Variants in CTNNA2 observed in about 807,000 individuals in gnomAD.
The protein encoded by CTNNA2 is catenin alpha-2.
CTNNA2 carries 42 observed loss-of-function variants against 101.0 expected under a neutral mutation model. That is an observed-to-expected ratio of 0.42 (90% CI 0.32 to 0.54). The LOEUF (loss-of-function observed/expected upper bound fraction) is 0.54, where lower values mean the gene tolerates loss of function less well. Ranked by LOEUF, CTNNA2 falls within the 20% of genes least tolerant of loss-of-function variation. The pLI, the probability that CTNNA2 is intolerant of heterozygous loss-of-function variation, is 0.14. For synonymous variants in CTNNA2, 450 were observed against 456.4 expected (o/e 0.99, Z 0.18); for missense variants, 871 against 1,223.1 (o/e 0.71, Z 4.29).
intron 1 of CTNNA2, among the ~76,000 whole-genome samples, chr2:79,587,209 G>T (rs956723998): frequency 6.6e-6 from 1 of 151,982 alleles, no homozygotes; most frequent in Non-Finnish European, 1.5e-5. Flanking sequence ...TGGATGGAAC[G>T]GTAGTTCTAC....
intron 1 of CTNNA2, among the ~76,000 whole-genome samples, chr2:79,595,723 A>G (rs1313739174): frequency 2.6e-5 from 4 of 152,076 alleles, no homozygotes; most frequent in Non-Finnish European, 5.9e-5. Flanking sequence ...ATGAGCTATT[A>G]CAAGAATCTC....
intron 9 of CTNNA2, among the ~76,000 whole-genome samples, chr2:80,482,935 A>G (rs202244651): frequency 4.6e-5 from 7 of 152,266 alleles, no homozygotes; most frequent in African/African-American, 1.7e-4. Context: ...TCCTTCATTT[A>G]CACTACCTGT....
At chr2:79,862,054 C>G (rs971109598) in intron 4 of CTNNA2, among the ~76,000 whole-genome samples, 1 of 152,106 alleles carries the variant, frequency 6.6e-6, no homozygotes, top group Non-Finnish European at 1.5e-5. Flanking sequence ...TCCCTAGGCT[C>G]TGAACTAGTG....
At chr2:79,656,170 T>C (rs1681603209) in intron 2 of CTNNA2, among the ~76,000 whole-genome samples, 1 of 152,192 alleles carries the variant, frequency 6.6e-6, no homozygotes, top group Admixed American at 6.5e-5. Context: ...ATGACTGTGT[T>C]ATCAATACTA....
At chr2:79,363,409 G>A (rs1476174206) in intron 3 of CTNNA2, among the ~76,000 whole-genome samples, 1 of 152,080 alleles carries the variant, frequency 6.6e-6, no homozygotes, top group Non-Finnish European at 1.5e-5. Flanking sequence ...TTTTTAAAAG[G>A]ACACATACAC....
chr2:79,961,152 T>C (rs1689599888), intron 7 of CTNNA2, among the ~76,000 whole-genome samples: 1 of 152,222 alleles, frequency 6.6e-6, no homozygotes, highest in Admixed American at 6.5e-5. Context: ...TTTAAGATAG[T>C]GAGCTTTTCT....
Position 79,477,646 on chromosome 2 carries a change from G to T in CTNNA2, c.-134-27408G>T, listed in dbSNP as rs149665210. Among the ~76,000 whole-genome samples the T allele has an allele frequency of 2.4e-3, 361 of 152,274 alleles. 2 individuals are homozygous for T. The highest frequency in any genetic ancestry group is 8.2e-3 in the African/African-American group (339 of 41,544). ...TCACAGCTCAATGGTGCCTTTGGTG[G>T]CCCAGAAGTCAAGAATCTGTCAACT... is the stretch of plus-strand genomic sequence containing the variant. On this transcript the variant is annotated intron_variant, in intron 4 of 21. Coordinates refer to the CTNNA2 transcript ENST00000466387.
chr2:79,646,524 C>CTTTTTTTTTTTTTT (rs67454188), intron 1 of CTNNA2, among the ~76,000 whole-genome samples: 13 of 106,132 alleles, frequency 1.2e-4, no homozygotes, highest in Non-Finnish European at 1.5e-4. Context: ...TTCTTTCTGT[C>CTTTTTTTTTTTTTT]TTTTTTTTTT....
chr2:79,883,901 T>A (rs1370589533), intron 6 of CTNNA2, among the ~76,000 whole-genome samples: 1 of 152,144 alleles, frequency 6.6e-6, no homozygotes, highest in Non-Finnish European at 1.5e-5. Flanking sequence ...GAATCAGTAA[T>A]AAATTTTGCC....
At chr2:80,559,593 T>C (rs1179032082) in intron 12 of CTNNA2, among the ~76,000 whole-genome samples, 1 of 152,234 alleles carries the variant, frequency 6.6e-6, no homozygotes. Flanking sequence ...ATTATTAGTA[T>C]GCTAAGAATT....
intron 7 of CTNNA2, chr2:80,301,929 A>T (rs1400475766): frequency 1.3e-5 from 3 of 224,174 alleles, no homozygotes; most frequent in African/African-American, 6.8e-5. Flanking sequence ...AAAAAAAAAA[A>T]ATCAATGATT....
chr2:79,369,442 T>C (rs1400653983), intron 3 of CTNNA2, among the ~76,000 whole-genome samples: 1 of 152,088 alleles, frequency 6.6e-6, no homozygotes, highest in South Asian at 2.1e-4. Flanking sequence ...CTGCTTCCAA[T>C]ATCGTCTTGG....
chr2:79,621,228 C>T (rs1450409547), intron 1 of CTNNA2, among the ~76,000 whole-genome samples: 1 of 152,138 alleles, frequency 6.6e-6, no homozygotes, highest in Non-Finnish European at 1.5e-5. Context: ...TTTTTCTGTG[C>T]TCCCTTAGCT....
intron 18 of CTNNA2, among the ~76,000 whole-genome samples, chr2:80,639,513 ATGTGTGTG>A (rs112045877): frequency 0.14 from 21,035 of 147,468 alleles, 2,202 homozygotes; most frequent in African/African-American, 0.3. Flanking sequence ...CCCAGCCTTG[ATGTGTGTG>A]TGTGTGTGTG....
chr2:80,110,201 CT>C (rs1335368518), intron 7 of CTNNA2, among the ~76,000 whole-genome samples: 1 of 152,170 alleles, frequency 6.6e-6, no homozygotes, highest in African/African-American at 2.4e-5. Flanking sequence ...TTATCTTGTT[CT>C]TCTCTACAGG....
intron 7 of CTNNA2, among the ~76,000 whole-genome samples, chr2:80,068,041 G>A (rs1489590292): frequency 6.6e-6 from 1 of 152,194 alleles, no homozygotes; most frequent in Non-Finnish European, 1.5e-5. Flanking sequence ...AACATTTGTT[G>A]TTTCTTCAAG....
chr2:79,532,770 C>T (rs1040977813), intron 1 of CTNNA2, among the ~76,000 whole-genome samples: 4 of 151,592 alleles, frequency 2.6e-5, no homozygotes, highest in African/African-American at 9.7e-5. Flanking sequence ...ATGCTAAAAC[C>T]CCTAATCTGG....
rs115853021 is a variant in CTNNA2, at chr2:80,383,105, G to A, written c.1057-10106G>A. 8.4e-3 allele frequency among the ~76,000 whole-genome samples: 1,275 copies of A among 152,222 alleles called. 11 individuals are homozygous for A. Among genetic ancestry groups the A allele is most frequent in the Admixed American group, 0.012 (178 of 15,292 alleles). ...GCTTTTAGCAATCACCCAAGCTCAGGGGGTTGGCACTATGAAAAATGTCTT... is the reference window on the plus strand; with the variant it reads ...GCTTTTAGCAATCACCCAAGCTCAGAGGGTTGGCACTATGAAAAATGTCTT... On this transcript the variant is annotated intron_variant, in intron 7 of 18. Coordinates refer to ENST00000402739, the MANE Select transcript of CTNNA2 (RefSeq NM_001282597.3).
chr2:79,781,393 G>T (rs1674415219), intron 3 of CTNNA2, among the ~76,000 whole-genome samples: 1 of 152,100 alleles, frequency 6.6e-6, no homozygotes, highest in Admixed American at 6.6e-5. Context: ...ATCTCTTCCT[G>T]TGACTTAGAA....
Sources: allele counts gnomAD v4.1 joint callset (sites outside exome capture counted in the v4.1 genomes callset), GRCh38; gene constraint gnomAD v4.1.1; transcripts MANE v1.5; gene names NCBI Gene and HGNC (gene_info 2026-07-23, HGNC 2026-07-21).